Variants in PRR5L observed in about 807,000 individuals in gnomAD.
PRR5L encodes proline-rich protein 5-like.
In PRR5L, 21 loss-of-function variants were observed where a neutral mutation model predicts 36.4. The observed-to-expected ratio is 0.58, with a 90% CI of 0.41 to 0.83. The LOEUF is 0.83. Among genes scored for constraint, PRR5L ranks in the 40% least tolerant of loss-of-function variants. The pLI, the probability that PRR5L is intolerant of heterozygous loss-of-function variation, is 0.00. For synonymous variants in PRR5L, 188 were observed against 197.0 expected (o/e 0.95, Z 0.38); for missense variants, 381 against 473.3 (o/e 0.80, Z 1.81).
At chr11:36,374,955 C>T (rs1421182426) in intron 1 of PRR5L, among the ~76,000 whole-genome samples, 2 of 152,194 alleles carry the variant, frequency 1.3e-5, no homozygotes, top group Non-Finnish European at 2.9e-5. Context: ...CAGTTTCTTG[C>T]CAGGCACGGT....
intron 1 of PRR5L, among the ~76,000 whole-genome samples, chr11:36,346,984 C>A (rs1856872737): frequency 6.6e-6 from 1 of 152,166 alleles, no homozygotes; most frequent in Non-Finnish European, 1.5e-5. Flanking sequence ...ACTTTATTTA[C>A]AAAAGCAAGC....
rs1460848784 is a variant in PRR5L, at chr11:36,350,905, AAT to A, written c.-125-50079_-125-50078del. On this transcript the variant is annotated intron_variant, in intron 1 of 8. Coordinates refer to ENST00000530639, the MANE Select transcript of PRR5L (RefSeq NM_001160167.2). ...TACGGCTGAGTAGTATTCCATGGTA[AAT>A]ATATATATATATTTATATATATTTA... Among the ~76,000 whole-genome samples, 143 of 74,302 alleles carry A rather than the reference AAT, an allele frequency of 1.9e-3. 2 individuals are homozygous for A. The highest frequency in any genetic ancestry group is 6.5e-3 in the African/African-American group (131 of 20,144). 48.7% of individuals were successfully genotyped at this position (74,302 alleles called of 152,430 possible).
intron 1 of PRR5L, among the ~76,000 whole-genome samples, chr11:36,351,760 T>C (rs1856976157): frequency 4.3e-5 from 1 of 23,162 alleles, no homozygotes; most frequent in African/African-American, 2.0e-4. Context: ...TATATATATT[T>C]ATATATTTAT....
rs114165568 is a variant in PRR5L, at chr11:36,377,106, A to G, written c.-125-23891A>G. ...TCTCTCGTTCTCCCTCTGGGGGGCA[A>G]ATCTAAAGAGCTGACCCCGCTTAAG... On this transcript the variant is annotated intron_variant, in intron 1 of 8. Coordinates refer to ENST00000530639, the MANE Select transcript of PRR5L (RefSeq NM_001160167.2). This position sits in a 1 kb window ranked among gnomAD's most constrained non-coding sequence, Gnocchi z 5.1. 0.038 allele frequency among the ~76,000 whole-genome samples: 5,723 copies of G among 152,266 alleles called. 342 individuals are homozygous for G. Among genetic ancestry groups the G allele is most frequent in the African/African-American group, 0.13 (5,407 of 41,556 alleles).
chr11:36,357,535 T>A (rs1357902936), intron 1 of PRR5L, among the ~76,000 whole-genome samples: 1 of 152,212 alleles, frequency 6.6e-6, no homozygotes, highest in Non-Finnish European at 1.5e-5. Flanking sequence ...CTAGTGACTT[T>A]AAGTTGAAGT....
At chr11:36,427,387 C>T (rs1858404507) in intron 4 of PRR5L, among the ~76,000 whole-genome samples, 1 of 152,018 alleles carries the variant, frequency 6.6e-6, no homozygotes, top group African/African-American at 2.4e-5. Flanking sequence ...TAGTCTTCTG[C>T]CTGGGGAGGT....
At chr11:36,332,462 A>G (rs752538427) in intron 1 of PRR5L, among the ~76,000 whole-genome samples, 2 of 152,180 alleles carry the variant, frequency 1.3e-5, no homozygotes, top group African/African-American at 4.8e-5. Context: ...TTAATCTACT[A>G]TATAACCTGA....
At chr11:36,374,186 C>T (rs534191408) in intron 1 of PRR5L, among the ~76,000 whole-genome samples, 12 of 151,986 alleles carry the variant, frequency 7.9e-5, no homozygotes, top group African/African-American at 2.7e-4. Flanking sequence ...TCCTCCACCT[C>T]CCAGGTTCAA....
intron 1 of PRR5L, among the ~76,000 whole-genome samples, chr11:36,397,983 T>G (rs969058563): frequency 6.6e-6 from 1 of 151,498 alleles, no homozygotes; most frequent in Non-Finnish European, 1.5e-5. Flanking sequence ...TTAGTAGAGA[T>G]GGGGTTTCTC....
At position 36,437,297 on chromosome 11, in the gene PRR5L, T is replaced by C; in HGVS notation, c.353-88T>C. 4.4e-6 allele frequency: 4 copies of C among 914,548 alleles called. No individual in the cohort carries two copies. The South Asian group carries it at 5.2e-5, about 12-fold the overall frequency. The allele number at this position is 914,548 out of a possible 1,614,324, so 56.7% of individuals were successfully genotyped here. On this transcript the variant is annotated intron_variant, in intron 5 of 8. Transcript: ENST00000530639. ...TTTTAGCATGTGCAGCTTGACATTTTATGTGGAACTGTCTTCTGGCCTCTC... is the reference window on the plus strand; with the variant it reads ...TTTTAGCATGTGCAGCTTGACATTTCATGTGGAACTGTCTTCTGGCCTCTC...
chr11:36,429,743 G>A (rs947550023), intron 4 of PRR5L, among the ~76,000 whole-genome samples: 3 of 152,202 alleles, frequency 2.0e-5, no homozygotes, highest in Non-Finnish European at 4.4e-5. Context: ...ACCTCACCTG[G>A]ACTAGGTGAA....
rs115266088 is a variant in PRR5L, at chr11:36,383,604, C to T, written c.-125-17393C>T. On this transcript the variant is annotated intron_variant, in intron 1 of 8. Transcript: ENST00000530639. ...AGTTTGCCACATTCCCCACCTGACCCGCTAATCTTGTTCACGTTCTCTGCT... is the reference window on the plus strand; with the variant it reads ...AGTTTGCCACATTCCCCACCTGACCTGCTAATCTTGTTCACGTTCTCTGCT... Among the ~76,000 whole-genome samples, 1,193 of 152,254 alleles carry T rather than the reference C, an allele frequency of 7.8e-3. 10 individuals are homozygous for T. Among genetic ancestry groups the T allele is most frequent in the African/African-American group, 0.027 (1,116 of 41,552 alleles).
rs1856847013 is a variant in PRR5L, at chr11:36,344,563, A to AT, written c.-126+48130dup. Among the ~76,000 whole-genome samples, 1 of 152,104 alleles carries AT rather than the reference A, an allele frequency of 6.6e-6. No homozygotes were observed. Among genetic ancestry groups the AT allele is most frequent in the South Asian group, 2.1e-4 (1 of 4,828 alleles). On this transcript the variant is annotated intron_variant, in intron 1 of 8. Transcript: ENST00000530639. The surrounding 1 kb of genome is among the most constrained non-coding windows in gnomAD (Gnocchi z 4.1). ...AACAAAACGGCCATCTCTGAAGGTG[A>AT]TTTTTGTTTATATTTCTTAGTATTT...
intron 1 of PRR5L, among the ~76,000 whole-genome samples, chr11:36,324,504 G>C (rs979759696): frequency 6.6e-6 from 1 of 152,020 alleles, no homozygotes; most frequent in Non-Finnish European, 1.5e-5. Context: ...CCACTAGGTT[G>C]GGCACTTGAA....
intron 1 of PRR5L, among the ~76,000 whole-genome samples, chr11:36,383,778 C>T (rs1382953876): frequency 6.8e-6 from 1 of 146,342 alleles, no homozygotes; most frequent in African/African-American, 2.5e-5. Flanking sequence ...TCACTGCAAT[C>T]ACTGCCTCCC....
intron 7 of PRR5L, among the ~76,000 whole-genome samples, chr11:36,449,167 C>G (rs1858894428): frequency 6.6e-6 from 1 of 152,188 alleles, no homozygotes; most frequent in African/African-American, 2.4e-5. Context: ...TTCCCCGGCC[C>G]AAGTCCATCT....
intron 1 of PRR5L, among the ~76,000 whole-genome samples, chr11:36,381,137 C>T (rs925782442): frequency 1.4e-4 from 21 of 152,190 alleles, no homozygotes; most frequent in Non-Finnish European, 2.8e-4. Context: ...CTCACCCACA[C>T]ATCAATATTC....
intron 1 of PRR5L, among the ~76,000 whole-genome samples, chr11:36,366,092 G>A (rs1857141199): frequency 6.6e-6 from 1 of 152,138 alleles, no homozygotes; most frequent in Non-Finnish European, 1.5e-5. Flanking sequence ...TTCCTTAATT[G>A]GGAGGTCAAG....
chr11:36,447,655 C>T (rs1005026013), intron 7 of PRR5L, among the ~76,000 whole-genome samples: 10 of 152,190 alleles, frequency 6.6e-5, no homozygotes, highest in African/African-American at 2.4e-4. Flanking sequence ...GATGGAATGT[C>T]AGGCATTGGG....
Sources: gnomAD v4.1 joint callset for allele counts (sites outside exome capture counted in the v4.1 genomes callset) on GRCh38, gnomAD v4.1.1 for gene constraint, Gnocchi (gnomAD v3.1) non-coding constraint, MANE v1.5 for transcripts, NCBI Gene and HGNC (gene_info 2026-07-23, HGNC 2026-07-21) for gene names.